Variants in QTMAN observed in about 807,000 individuals in gnomAD.
QTMAN encodes the protein queuosine-tRNA mannosyltransferase, also known as tRNA-queuosine alpha-mannosyltransferase.
chr2:144,092,870 G>GGGGTGTGT, the QTMAN span, among the ~76,000 whole-genome samples: 19 of 140,728 alleles, frequency 1.4e-4, no homozygotes, highest in East Asian at 6.6e-4. Context: ...AAACTTTTGG[G>GGGGTGTGT]GTGTGTGTGT....
chr2:144,282,984 G>C, the QTMAN span, among the ~76,000 whole-genome samples: 1 of 152,180 alleles, frequency 6.6e-6, no homozygotes, highest in African/African-American at 2.4e-5. Flanking sequence ...CACACCCCCA[G>C]TCCAGAGGGA....
At chr2:144,191,887 A>T in the QTMAN span, among the ~76,000 whole-genome samples, 3 of 152,158 alleles carry the variant, frequency 2.0e-5, no homozygotes, top group African/African-American at 7.2e-5. Flanking sequence ...TCCTCTACTG[A>T]CTGACCACTC....
At chr2:144,240,290 G>C in the QTMAN span, among the ~76,000 whole-genome samples, 2 of 152,140 alleles carry the variant, frequency 1.3e-5, no homozygotes, top group East Asian at 3.8e-4. Context: ...ATTGCTTAAA[G>C]GTTAATGAAA....
chr2:144,092,870 G>GTGTGTGTGTGT, the QTMAN span, among the ~76,000 whole-genome samples: 412 of 140,718 alleles, frequency 2.9e-3, 6 homozygotes, highest in African/African-American at 0.01. Context: ...AAACTTTTGG[G>GTGTGTGTGTGT]GTGTGTGTGT....
the QTMAN span, chr2:144,007,595 T>C: frequency 1.8e-6 from 2 of 1,108,090 alleles, no homozygotes; most frequent in African/African-American, 3.1e-5. Flanking sequence ...AAATTTGTCC[T>C]TTACCTTCCT....
At chr2:144,260,957 C>T in the QTMAN span, among the ~76,000 whole-genome samples, 1 of 152,004 alleles carries the variant, frequency 6.6e-6, no homozygotes, top group Non-Finnish European at 1.5e-5. Context: ...ATAAAAATGG[C>T]ATCTCAACAT....
the QTMAN span, among the ~76,000 whole-genome samples, chr2:144,231,893 T>TGTGTGTGTGTGTG: frequency 1.4e-5 from 2 of 144,202 alleles, no homozygotes; most frequent in Non-Finnish European, 3.0e-5. Flanking sequence ...TGTGTGTGTG[T>TGTGTGTGTGTGTG]TATCTTTACT....
chr2:144,100,005 G>A, the QTMAN span, among the ~76,000 whole-genome samples: 1 of 152,140 alleles, frequency 6.6e-6, no homozygotes, highest in Admixed American at 6.6e-5. Context: ...CACTCTTAAC[G>A]TCGTGTGTAG....
At chr2:144,298,961 C>T in the QTMAN span, among the ~76,000 whole-genome samples, 1 of 152,110 alleles carries the variant, frequency 6.6e-6, no homozygotes, top group Admixed American at 6.5e-5. Context: ...CACAAACAGC[C>T]CATTACTGCT....
chr2:144,265,868 C>G, the QTMAN span, among the ~76,000 whole-genome samples: 16 of 152,294 alleles, frequency 1.1e-4, no homozygotes, highest in East Asian at 2.7e-3. Context: ...ACACCACCCT[C>G]TGCCAGCACT....
At chr2:143,952,149 T>C in the QTMAN span, 1 of 845,444 alleles carries the variant, frequency 1.2e-6, no homozygotes, top group Non-Finnish European at 2.0e-6. Flanking sequence ...ACTTTACTAA[T>C]TAAAAATGCA....
the QTMAN span, among the ~76,000 whole-genome samples, chr2:144,254,485 A>G: frequency 6.6e-6 from 1 of 152,208 alleles, no homozygotes; most frequent in Non-Finnish European, 1.5e-5. Context: ...CCTATATTTC[A>G]GAAGATGCAT....
At chr2:144,296,638 A>T in the QTMAN span, among the ~76,000 whole-genome samples, 1 of 152,198 alleles carries the variant, frequency 6.6e-6, no homozygotes. Context: ...CTTCATTTTT[A>T]TTTCAATTTT....
chr2:143,952,690 CTAAGTT>C, the QTMAN span: 32 of 997,960 alleles, frequency 3.2e-5, no homozygotes, highest in Admixed American at 1.5e-4. Context: ...TTGCTCCTGC[CTAAGTT>C]TATTTTCAAA....
chr2:144,174,279 A>C, the QTMAN span, among the ~76,000 whole-genome samples: 11 of 152,088 alleles, frequency 7.2e-5, no homozygotes, highest in Non-Finnish European at 1.6e-4. Context: ...GGTCTGCCAG[A>C]CCACTCTGGA....
the QTMAN span, among the ~76,000 whole-genome samples, chr2:144,090,230 C>T: frequency 4.1e-4 from 63 of 151,996 alleles, 1 homozygote; most frequent in Admixed American, 3.9e-4. Flanking sequence ...CGGTAAGGGA[C>T]ACATAAGAAA....
the QTMAN span, among the ~76,000 whole-genome samples, chr2:144,266,649 G>A: frequency 1.3e-5 from 2 of 152,154 alleles, no homozygotes; most frequent in South Asian, 2.1e-4. Context: ...AGAGGAAACT[G>A]CAACAGTCAC....
At chr2:144,025,114 G>A in the QTMAN span, among the ~76,000 whole-genome samples, 1 of 152,232 alleles carries the variant, frequency 6.6e-6, no homozygotes, top group African/African-American at 2.4e-5. Flanking sequence ...CACCTCTGCA[G>A]GACTTGCTAA....
the QTMAN span, among the ~76,000 whole-genome samples, chr2:144,035,764 T>C: frequency 6.6e-6 from 1 of 152,192 alleles, no homozygotes; most frequent in Non-Finnish European, 1.5e-5. Flanking sequence ...AATTGGCTTA[T>C]AATCTAGTTA....
Sources: gnomAD v4.1 joint callset for allele counts (sites outside exome capture counted in the v4.1 genomes callset) on GRCh38, gnomAD v4.1.1 for gene constraint, MANE v1.5 for transcripts, NCBI Gene and HGNC (gene_info 2026-07-23, HGNC 2026-07-21) for gene names.